Variants in CNTN5 observed in about 807,000 individuals in gnomAD.
The protein encoded by CNTN5 is contactin-5.
CNTN5 carries 77 observed loss-of-function variants against 129.1 expected under a neutral mutation model. The ratio of observed to expected loss-of-function variants is 0.60; its 90% confidence interval spans 0.50 to 0.72. CNTN5 has a LOEUF of 0.72. CNTN5 is among the 30% of genes least tolerant of loss of function. The pLI is 0.00. For missense variants in CNTN5, 1,478 were observed against 1,328.8 expected (o/e 1.11, Z -1.75); for synonymous variants, 509 against 465.6 (o/e 1.09, Z -1.20).
intron 18 of CNTN5, among the ~76,000 whole-genome samples, chr11:100,272,487 A>AGAAGGAAG (rs576230218): frequency 2.0e-5 from 3 of 151,742 alleles, no homozygotes; most frequent in Non-Finnish European, 2.9e-5. Flanking sequence ...TGGCCCTCTC[A>AGAAGGAAG]GAAGGAAGGA....
At chr11:99,047,583 A>G (rs936942011) in intron 1 of CNTN5, among the ~76,000 whole-genome samples, 4 of 152,116 alleles carry the variant, frequency 2.6e-5, no homozygotes, top group Admixed American at 2.0e-4. Flanking sequence ...GTTTCCAGCA[A>G]TTAATCTGGT....
chr11:99,288,012 T>C (rs1472115040), intron 1 of CNTN5, among the ~76,000 whole-genome samples: 1 of 151,954 alleles, frequency 6.6e-6, no homozygotes, highest in African/African-American at 2.4e-5. Context: ...CTCTTCACTT[T>C]GGTATGTTCA....
At chr11:99,248,613 T>C (rs1464709422) in intron 1 of CNTN5, among the ~76,000 whole-genome samples, 7 of 152,344 alleles carry the variant, frequency 4.6e-5, no homozygotes, top group African/African-American at 1.7e-4. Flanking sequence ...ATTTAAGTTT[T>C]TAATCCATCT....
At position 99,163,052 on chromosome 11, in the gene CNTN5, G is replaced by A. The variant is rs535656289; in HGVS notation, c.-210+141782G>A. On this transcript the variant is annotated intron_variant, in intron 1 of 24. Coordinates refer to ENST00000524871, the MANE Select transcript of CNTN5 (RefSeq NM_014361.4). ...AAGTTGCCTTTTCAGAAGAAATTAC[G>A]GAAATAGGAGAGTGAAAATAGGATT... Among the ~76,000 whole-genome samples the A allele has an allele frequency of 5.3e-5, 8 of 152,178 alleles. No individual in the cohort carries two copies. In the South Asian group the frequency reaches 8.3e-4, roughly 16 times the overall value.
intron 3 of CNTN5, among the ~76,000 whole-genome samples, chr11:99,735,086 T>A (rs1214000510): frequency 6.6e-6 from 1 of 152,242 alleles, no homozygotes; most frequent in Non-Finnish European, 1.5e-5. Context: ...CATCTTAGGT[T>A]CATTTATTTT....
intron 8 of CNTN5, among the ~76,000 whole-genome samples, chr11:99,969,564 C>G (rs1297361113): frequency 6.6e-6 from 1 of 152,158 alleles, no homozygotes; most frequent in Non-Finnish European, 1.5e-5. Flanking sequence ...CACCATACAA[C>G]TCACAGAATT....
chr11:99,442,628 C>T (rs775381787), intron 2 of CNTN5, among the ~76,000 whole-genome samples: 1 of 152,134 alleles, frequency 6.6e-6, no homozygotes, highest in Non-Finnish European at 1.5e-5. Context: ...TGTGAATACG[C>T]ATGAATATGT....
chr11:99,227,820 G>A (rs1333380230), intron 1 of CNTN5, among the ~76,000 whole-genome samples: 1 of 152,130 alleles, frequency 6.6e-6, no homozygotes, highest in Non-Finnish European at 1.5e-5. Flanking sequence ...TCAGGGATAT[G>A]TGATACTAAT....
intron 17 of CNTN5, 98 bp from the exon 18 acceptor site, chr11:100,270,994 A>C (rs1035178862): frequency 1.0e-6 from 1 of 968,102 alleles, no homozygotes; most frequent in Non-Finnish European, 1.5e-6. Flanking sequence ...AATATGCATT[A>C]GCCTTCTGAT....
chr11:99,469,745 T>A (rs1316571632), intron 2 of CNTN5, among the ~76,000 whole-genome samples: 1 of 147,990 alleles, frequency 6.8e-6, no homozygotes, highest in Non-Finnish European at 1.5e-5. Context: ...AATTTTTAAA[T>A]TTTTTTTTGG....
intron 1 of CNTN5, among the ~76,000 whole-genome samples, chr11:99,197,762 T>G (rs1489962634): frequency 2.0e-5 from 3 of 152,082 alleles, no homozygotes; most frequent in Non-Finnish European, 4.4e-5. Context: ...GGATTGAAGT[T>G]TATCCCAATT....
chr11:99,060,169 T>C (rs1398980684), intron 1 of CNTN5, among the ~76,000 whole-genome samples: 2 of 151,972 alleles, frequency 1.3e-5, no homozygotes, highest in Non-Finnish European at 2.9e-5. Flanking sequence ...GGCCTGTAAA[T>C]AAGCTGTTGG....
intron 18 of CNTN5, among the ~76,000 whole-genome samples, chr11:100,277,902 A>G (rs1950549566): frequency 6.6e-6 from 1 of 152,084 alleles, no homozygotes; most frequent in Non-Finnish European, 1.5e-5. Context: ...GTTGTCTTGC[A>G]CAGTTTCCCC....
intron 1 of CNTN5, among the ~76,000 whole-genome samples, chr11:99,288,624 A>T (rs1864041878): frequency 6.6e-6 from 1 of 151,762 alleles, no homozygotes. Flanking sequence ...TCTGTTTTTG[A>T]TTAGTGTAAT....
intron 1 of CNTN5, among the ~76,000 whole-genome samples, chr11:99,178,037 T>C (rs560991664): frequency 3.3e-5 from 5 of 152,036 alleles, no homozygotes; most frequent in Admixed American, 3.3e-4. Flanking sequence ...CCCTGCTATG[T>C]TGTAATATAT....
intron 1 of CNTN5, among the ~76,000 whole-genome samples, chr11:99,255,617 A>T (rs1305142431): frequency 6.6e-6 from 1 of 151,748 alleles, no homozygotes. Flanking sequence ...ACCACAAAAA[A>T]ATTTACATCT....
chr11:99,239,244 T>C (rs1861423912), intron 1 of CNTN5, among the ~76,000 whole-genome samples: 2 of 152,230 alleles, frequency 1.3e-5, no homozygotes, highest in Admixed American at 6.5e-5. Flanking sequence ...GATTATATTC[T>C]AAGAGTAGAA....
intron 1 of CNTN5, among the ~76,000 whole-genome samples, chr11:99,086,358 A>G (rs1591168166): frequency 6.6e-6 from 1 of 152,282 alleles, no homozygotes. Flanking sequence ...GGTAATTTAT[A>G]AAGAGGTTTA....
chr11:99,153,325 A>T (rs772238160), intron 1 of CNTN5, among the ~76,000 whole-genome samples: 2 of 151,954 alleles, frequency 1.3e-5, no homozygotes, highest in Non-Finnish European at 2.9e-5. Flanking sequence ...GGGTTTGTTC[A>T]TTCCTTTTAT....
Sources: allele counts gnomAD v4.1 joint callset (sites outside exome capture counted in the v4.1 genomes callset), GRCh38; gene constraint gnomAD v4.1.1; transcripts MANE v1.5; gene names NCBI Gene and HGNC (gene_info 2026-07-23, HGNC 2026-07-21).